SCOC: variants seen among roughly 807,000 people sequenced by gnomAD.
SCOC encodes short coiled coil protein.
In SCOC, 7 loss-of-function variants were observed where a neutral mutation model predicts 9.9. That is an observed-to-expected ratio of 0.71 (90% CI 0.40 to 1.33). The LOEUF (loss-of-function observed/expected upper bound fraction) is 1.33. Ranked by LOEUF, SCOC falls within the 40% of genes most tolerant of loss-of-function variation. The pLI, the probability that SCOC is intolerant of heterozygous loss-of-function variation, is 0.01. For synonymous variants in SCOC, 19 were observed against 28.2 expected, an observed-to-expected ratio of 0.67 and a Z score of 1.03; for missense variants, 66 against 89.7, an observed-to-expected ratio of 0.74 and a Z score of 1.07.
chr4:140,304,109 C>A (rs530629609), intron 1 of SCOC, among the ~76,000 whole-genome samples: 1 of 152,106 alleles, frequency 6.6e-6, no homozygotes, highest in Admixed American at 6.5e-5. Flanking sequence ...TAGGGAGAAA[C>A]CTAAGCACCA....
chr4:140,271,600 G>A (rs887915349), intron 1 of SCOC, among the ~76,000 whole-genome samples: 1 of 152,174 alleles, frequency 6.6e-6, no homozygotes, highest in African/African-American at 2.4e-5. Flanking sequence ...TTCCAGCTTG[G>A]CATCTTGTGA....
intron 1 of SCOC, among the ~76,000 whole-genome samples, chr4:140,279,946 A>G (rs1445733385): frequency 6.6e-6 from 1 of 152,162 alleles, no homozygotes; most frequent in African/African-American, 2.4e-5. Context: ...AGCTTTCAAC[A>G]TAGCAAATAC....
At chr4:140,373,526 G>A, upstream of SCOC, 1 of 1,551,740 alleles carries the variant, frequency 6.4e-7, no homozygotes, top group Non-Finnish European at 8.7e-7. Context: ...CTGGGGTGAG[G>A]CGGGCAGCTA....
intron 2 of SCOC, among the ~76,000 whole-genome samples, chr4:140,355,650 G>A (rs1239478201): frequency 6.6e-6 from 1 of 152,188 alleles, no homozygotes; most frequent in Admixed American, 6.5e-5. Context: ...GTTATGTTAT[G>A]AGGTCATTGT....
intron 2 of SCOC, among the ~76,000 whole-genome samples, chr4:140,362,273 C>CTGTTCTTCTTCTTCTTCCTTCTT: frequency 3.4e-5 from 1 of 29,076 alleles, no homozygotes; most frequent in Non-Finnish European, 7.6e-5. Flanking sequence ...ACAGGTGTGT[C>CTGTTCTTCTTCTTCTTCCTTCTT]CTTACTTCTT....
At chr4:140,346,272 G>A (rs1302763793) in intron 2 of SCOC, among the ~76,000 whole-genome samples, 1 of 152,196 alleles carries the variant, frequency 6.6e-6, no homozygotes, top group East Asian at 1.9e-4. Context: ...GCCCTAATGG[G>A]TTGGCCTTGG....
At chr4:140,271,554 C>G (rs1730846245) in intron 1 of SCOC, among the ~76,000 whole-genome samples, 1 of 152,106 alleles carries the variant, frequency 6.6e-6, no homozygotes, top group Non-Finnish European at 1.5e-5. Flanking sequence ...GGTGCCTGAG[C>G]TGGGTAAAAT....
intron 1 of SCOC, among the ~76,000 whole-genome samples, chr4:140,295,450 A>G (rs541264532): frequency 1.3e-5 from 2 of 152,204 alleles, no homozygotes; most frequent in Non-Finnish European, 2.9e-5. Context: ...CTAGAAGCCA[A>G]TTGTTAGAGT....
At chr4:140,281,016 T>A (rs1046354016) in intron 1 of SCOC, among the ~76,000 whole-genome samples, 1 of 152,120 alleles carries the variant, frequency 6.6e-6, no homozygotes, top group African/African-American at 2.4e-5. Context: ...TGACAAGTGG[T>A]CTTCTGATAT....
At chr4:140,276,539 C>T (rs1730987628) in intron 1 of SCOC, among the ~76,000 whole-genome samples, 1 of 152,100 alleles carries the variant, frequency 6.6e-6, no homozygotes, top group Non-Finnish European at 1.5e-5. Flanking sequence ...ACTCGGCTCA[C>T]TGCCTCGGGG....
chr4:140,371,837 A>G (rs1728070272), upstream of SCOC, among the ~76,000 whole-genome samples: 1 of 152,228 alleles, frequency 6.6e-6, no homozygotes, highest in Non-Finnish European at 1.5e-5. Context: ...ATTATTCACA[A>G]TAGCCAAAAG....
intron 1 of SCOC, among the ~76,000 whole-genome samples, chr4:140,308,371 G>T (rs1732050570): frequency 6.6e-6 from 1 of 152,148 alleles, no homozygotes; most frequent in African/African-American, 2.4e-5. Flanking sequence ...CTTTCACAGA[G>T]CCTGGGAGGA....
At chr4:140,355,035 GGT>G (rs1727148912) in intron 2 of SCOC, among the ~76,000 whole-genome samples, 1 of 151,564 alleles carries the variant, frequency 6.6e-6, no homozygotes, top group Admixed American at 6.6e-5. Context: ...ATTGATCCTG[GGT>G]GTGTCTGTGA....
intron 1 of SCOC, among the ~76,000 whole-genome samples, chr4:140,307,061 A>C (rs1345916235): frequency 6.6e-6 from 1 of 152,158 alleles, no homozygotes; most frequent in Non-Finnish European, 1.5e-5. Flanking sequence ...CAAGAGGCCC[A>C]AGGGACGTTG....
In SCOC at chr4:140,278,360, C is replaced by T. The variant is rs181807248; in HGVS notation, c.-19+20950C>T. 3.4e-3 allele frequency among the ~76,000 whole-genome samples: 514 copies of T among 151,218 alleles called. 2 individuals carry two copies. Among genetic ancestry groups the T allele is most frequent in the African/African-American group, 0.012 (482 of 41,060 alleles). ...TGTTGCCCAGGCTGAAGTGCAGTGG[C>T]GCAATCTTGGCTCACTGCGAGCTCG... is the stretch of plus-strand genomic sequence containing the variant. On this transcript the variant is annotated intron_variant, in intron 1 of 4. Coordinates refer to the SCOC transcript ENST00000394205.
chr4:140,340,156 T>G (rs552409070), upstream of SCOC, among the ~76,000 whole-genome samples: 1 of 152,144 alleles, frequency 6.6e-6, no homozygotes, highest in Non-Finnish European at 1.5e-5. Context: ...TGTAGGGACA[T>G]GGATGAAGCG....
At chr4:140,306,529 C>A (rs936625328) in intron 1 of SCOC, among the ~76,000 whole-genome samples, 9 of 152,216 alleles carry the variant, frequency 5.9e-5, no homozygotes, top group African/African-American at 1.9e-4. Context: ...GATGTAGAGG[C>A]AAAGATTAGC....
chr4:140,330,927 A>G (rs1169169686), intron 1 of SCOC, among the ~76,000 whole-genome samples: 1 of 152,226 alleles, frequency 6.6e-6, no homozygotes, highest in Non-Finnish European at 1.5e-5. Flanking sequence ...TATTGCATCA[A>G]TGCAGCGTAC....
intron 1 of SCOC, among the ~76,000 whole-genome samples, chr4:140,316,003 T>C (rs1274508785): frequency 1.3e-5 from 2 of 152,136 alleles, no homozygotes; most frequent in Non-Finnish European, 1.5e-5. Flanking sequence ...CTGTGTTTCT[T>C]CACACTGGCA....
Sources: allele counts gnomAD v4.1 joint callset (sites outside exome capture counted in the v4.1 genomes callset), GRCh38; gene constraint gnomAD v4.1.1; transcripts MANE v1.5; gene names NCBI Gene and HGNC (gene_info 2026-07-23, HGNC 2026-07-21).